TACC2: variants seen among roughly 807,000 people sequenced by gnomAD.
TACC2 encodes transforming acidic coiled-coil containing protein 2.
A neutral mutation model predicts 227.3 loss-of-function variants in TACC2; 137 were observed. The observed-to-expected ratio is 0.60, with a 90% confidence interval of 0.52 to 0.69. The LOEUF is 0.69. TACC2 is among the 30% of genes least tolerant of loss of function. The probability of loss-of-function intolerance (pLI) is 0.00; values close to 1 mark genes in which losing one functional copy is unlikely to be tolerated. For synonymous variants in TACC2, 1,523 were observed against 1,487.5 expected (o/e 1.02, Z -0.55); for missense variants, 3,470 against 3,694.4 (o/e 0.94, Z 1.57).
intron 1 of TACC2, among the ~76,000 whole-genome samples, chr10:122,017,312 C>T (rs543587393): frequency 6.6e-5 from 10 of 152,282 alleles, no homozygotes; most frequent in African/African-American, 1.4e-4. Flanking sequence ...GAAGATTGCA[C>T]ATGCGTCGCC....
At chr10:122,160,187 T>A (rs932290814) in intron 7 of TACC2, among the ~76,000 whole-genome samples, 1 of 152,228 alleles carries the variant, frequency 6.6e-6, no homozygotes, top group African/African-American at 2.4e-5. Flanking sequence ...ATGGATGCAT[T>A]CCTTGATTTA....
intron 1 of TACC2, 69 bp from the exon 2 acceptor site, chr10:122,021,868 T>A (rs770317417): frequency 3.4e-6 from 3 of 874,128 alleles, no homozygotes; most frequent in Non-Finnish European, 5.7e-6. Flanking sequence ...TTTGGGGAGA[T>A]GAGCAGACAG....
At chr10:122,241,170 G>A (rs551256573) in intron 18 of TACC2, among the ~76,000 whole-genome samples, 7 of 152,310 alleles carry the variant, frequency 4.6e-5, no homozygotes, top group South Asian at 2.1e-4. Context: ...ACAAGAAATC[G>A]TTGGTTCTCG....
intron 3 of TACC2, among the ~76,000 whole-genome samples, chr10:122,058,629 T>A (rs2459094): frequency 2.0e-5 from 3 of 151,846 alleles, no homozygotes; most frequent in African/African-American, 4.8e-5. Flanking sequence ...GAATGGTCTC[T>A]ATCTCTTGAC....
chr10:122,098,839 T>C (rs2081793531), intron 5 of TACC2, among the ~76,000 whole-genome samples: 1 of 152,214 alleles, frequency 6.6e-6, no homozygotes, highest in African/African-American at 2.4e-5. Flanking sequence ...CCTCTAATGC[T>C]TCTTCTCGTC....
At chr10:122,072,386 G>A (rs2078183522) in intron 3 of TACC2, among the ~76,000 whole-genome samples, 3 of 152,220 alleles carry the variant, frequency 2.0e-5, no homozygotes, top group Non-Finnish European at 4.4e-5. Context: ...ATAAAACTGG[G>A]TTAAAAATAC....
chr10:122,160,448 C>G (rs991918001), intron 7 of TACC2, among the ~76,000 whole-genome samples: 6 of 152,100 alleles, frequency 3.9e-5, no homozygotes, highest in Admixed American at 6.5e-5. Flanking sequence ...GAGCAGGGTG[C>G]TAGCATGGTT....
At chr10:122,008,230 TTCTG>T (rs1448238476) in intron 1 of TACC2, among the ~76,000 whole-genome samples, 1 of 149,010 alleles carries the variant, frequency 6.7e-6, no homozygotes, top group Admixed American at 6.7e-5. Context: ...GTCCTTTGAA[TTCTG>T]TCTATCCCTT....
At chr10:122,047,594 G>A (rs2075172769) in intron 2 of TACC2, among the ~76,000 whole-genome samples, 1 of 152,346 alleles carries the variant, frequency 6.6e-6, no homozygotes, top group East Asian at 1.9e-4. Flanking sequence ...ATCAAACAGA[G>A]ACGCCCTGTC....
chr10:122,074,682 G>A (rs1310253221), intron 3 of TACC2, among the ~76,000 whole-genome samples: 1 of 152,070 alleles, frequency 6.6e-6, no homozygotes, highest in African/African-American at 2.4e-5. Flanking sequence ...CAACCACACA[G>A]CACCTTGCCT....
In TACC2 at chr10:122,085,722, G is replaced by A; in HGVS notation, c.3222G>A (p.Gln1074=). 6.2e-7 allele frequency: 1 copy of A among 1,613,828 alleles called. No individual in the cohort carries two copies. Among genetic ancestry groups the A allele is most frequent in the Non-Finnish European group, 8.5e-7 (1 of 1,180,022 alleles). Residue 1074 remains glutamine (Q), a synonymous_variant, in exon 4 of 23, where the codon CAG becomes CAA. Coordinates refer to ENST00000369005, the MANE Select transcript of TACC2 (RefSeq NM_206862.4). ...APASPGVTPT[Q]DAPETEACDE... ...CCAGCCCCGGAGTCACACCCACCCAGGATGCCCCAGAGACAGAGGCATGTG... is the reference window on the plus strand; with the variant it reads ...CCAGCCCCGGAGTCACACCCACCCAAGATGCCCCAGAGACAGAGGCATGTG...
At chr10:122,039,711 C>T (rs1329566329) in intron 2 of TACC2, among the ~76,000 whole-genome samples, 1 of 152,224 alleles carries the variant, frequency 6.6e-6, no homozygotes. Context: ...GCATTAATTA[C>T]AAACTGATTT....
At chr10:122,228,933 C>T (rs2095679690) in intron 14 of TACC2, among the ~76,000 whole-genome samples, 4 of 152,094 alleles carry the variant, frequency 2.6e-5, no homozygotes, top group Admixed American at 2.0e-4. Flanking sequence ...AATCATCTTT[C>T]CGTGATTTAG....
chr10:122,118,805 C>G (rs1385400556), intron 5 of TACC2, among the ~76,000 whole-genome samples: 4 of 152,112 alleles, frequency 2.6e-5, no homozygotes. Context: ...GTGGCCTGTT[C>G]TCAGCCTGAA....
At chr10:122,245,476 T>C (rs2096090868) in intron 19 of TACC2, among the ~76,000 whole-genome samples, 1 of 152,156 alleles carries the variant, frequency 6.6e-6, no homozygotes, top group African/African-American at 2.4e-5. Context: ...AGGTGAAACA[T>C]ACACATGGGC....
rs1190848139 is a variant in TACC2, at chr10:122,200,963, CCACATCTACA to C, written c.5971+5788_5971+5797del. Among the ~76,000 whole-genome samples, 50 of 132,710 alleles carry C rather than the reference CCACATCTACA, an allele frequency of 3.8e-4. 4 individuals are homozygous for C. Among genetic ancestry groups the C allele is most frequent in the African/African-American group, 1.3e-3 (47 of 37,140 alleles). The allele number at this position is 132,710 out of a possible 152,430, so 87.1% of individuals were successfully genotyped here. On this transcript the variant is annotated intron_variant, in intron 8 of 22. Transcript: ENST00000369005. Reference sequence around the variant, plus strand: ...CAGCGACCTCACCCGCCCACAGTGGCCACATCTACAGTGAGAGGACGGCCACCTCACCCGC... The same window carrying C: ...CAGCGACCTCACCCGCCCACAGTGGCGTGAGAGGACGGCCACCTCACCCGC...
chr10:122,088,817 T>C (rs1205425593), intron 5 of TACC2: 1 of 1,412,794 alleles, frequency 7.1e-7, no homozygotes, highest in African/African-American at 1.4e-5. Flanking sequence ...CTTGAGTTTA[T>C]TACCTTAAAT....
intron 5 of TACC2, among the ~76,000 whole-genome samples, chr10:122,112,593 G>A (rs2083800841): frequency 1.3e-5 from 2 of 152,196 alleles, no homozygotes; most frequent in South Asian, 4.1e-4. Context: ...GAGGCTCCTG[G>A]GTAGCCTCAG....
chr10:122,235,974 C>A (rs993008289), intron 16 of TACC2, among the ~76,000 whole-genome samples: 1 of 152,140 alleles, frequency 6.6e-6, no homozygotes, highest in Non-Finnish European at 1.5e-5. Context: ...AGGCAACAGA[C>A]GTTCAATCTT....
Sources: allele counts gnomAD v4.1 joint callset (sites outside exome capture counted in the v4.1 genomes callset), GRCh38; gene constraint gnomAD v4.1.1; transcripts MANE v1.5; gene names NCBI Gene and HGNC (gene_info 2026-07-23, HGNC 2026-07-21).